HRH1: variants seen among roughly 807,000 people sequenced by gnomAD.
HRH1 encodes the protein histamine H1 receptor.
In HRH1, 6 loss-of-function variants were observed where a neutral mutation model predicts 10.3. That is an observed-to-expected ratio of 0.58 (90% CI 0.32 to 1.15). HRH1 has a LOEUF of 1.15. Ranked by LOEUF, HRH1 falls within the 50% of genes most tolerant of loss-of-function variation. HRH1 has a pLI of 0.05. For synonymous variants in HRH1, 242 were observed against 236.7 expected, an observed-to-expected ratio of 1.02 and a Z score of -0.21; for missense variants, 514 against 615.3, an observed-to-expected ratio of 0.84 and a Z score of 1.74.
At chr3:11,144,259 A>G (rs908030825) in intron 1 of HRH1, among the ~76,000 whole-genome samples, 1 of 151,752 alleles carries the variant, frequency 6.6e-6, no homozygotes, top group African/African-American at 2.4e-5. Flanking sequence ...GCGTATGTTT[A>G]TTGCAGCACT....
At chr3:11,232,320 T>G (rs1939064587) in intron 1 of HRH1, among the ~76,000 whole-genome samples, 1 of 152,072 alleles carries the variant, frequency 6.6e-6, no homozygotes, top group Non-Finnish European at 1.5e-5. Flanking sequence ...ATGGTTTAGG[T>G]TGTTCATTTT....
intron 1 of HRH1, among the ~76,000 whole-genome samples, chr3:11,248,068 T>C (rs1252743143): frequency 6.6e-6 from 1 of 152,208 alleles, no homozygotes; most frequent in Non-Finnish European, 1.5e-5. Context: ...CTTGTAAGGC[T>C]TTTGTTATTG....
chr3:11,207,633 G>C (rs1025347417), intron 1 of HRH1, among the ~76,000 whole-genome samples: 2 of 152,186 alleles, frequency 1.3e-5, no homozygotes, highest in African/African-American at 4.8e-5. Context: ...CTTGCTGTGT[G>C]ATCTTGGACA....
chr3:11,147,606 G>A (rs1443620466), intron 1 of HRH1, among the ~76,000 whole-genome samples: 1 of 151,932 alleles, frequency 6.6e-6, no homozygotes, highest in Non-Finnish European at 1.5e-5. Flanking sequence ...CATTCCAGTA[G>A]GTGTAGAAAA....
chr3:11,226,468 A>G (rs960589352), intron 1 of HRH1: 1 of 152,272 alleles, frequency 6.6e-6, no homozygotes, highest in Non-Finnish European at 1.5e-5. Flanking sequence ...AGCTGGCGCT[A>G]TGTAGCGACA....
At chr3:11,236,865 AAG>A (rs1939194572) in intron 1 of HRH1, among the ~76,000 whole-genome samples, 2 of 152,208 alleles carry the variant, frequency 1.3e-5, no homozygotes, top group African/African-American at 4.8e-5. Context: ...ACTTGACTGA[AAG>A]AGACAAAAGT....
At position 11,263,331 on chromosome 3, in the gene HRH1, TAACTC is replaced by T. The variant is rs1940005079; in HGVS notation, c.*2832_*2836del. 1 of 167,076 alleles carries T rather than the reference TAACTC, an allele frequency of 6.0e-6. No individual in the cohort carries two copies. The highest frequency in any genetic ancestry group is 2.4e-5 in the African/African-American group (1 of 41,454). 10.3% of individuals were successfully genotyped at this position (167,076 alleles called of 1,614,324 possible). On this transcript the variant is annotated 3_prime_UTR_variant, in exon 2 of 2. Coordinates refer to ENST00000431010, the MANE Select transcript of HRH1 (RefSeq NM_001098212.2). The stretch of plus-strand genomic sequence containing the variant: ...TTCCAGGAGGTGGATTTAATAGTCT[TAACTC>T]AGCATGAAAAAGATGCTGGGATGCT...
intron 1 of HRH1, among the ~76,000 whole-genome samples, chr3:11,182,272 G>A (rs1341834269): frequency 3.3e-5 from 5 of 152,206 alleles, no homozygotes; most frequent in South Asian, 4.2e-4. Context: ...GTGAGCCACC[G>A]CGCCCGGCCC....
At chr3:11,230,173 A>C (rs975404544) in intron 1 of HRH1, among the ~76,000 whole-genome samples, 2 of 152,220 alleles carry the variant, frequency 1.3e-5, no homozygotes, top group Non-Finnish European at 2.9e-5. Context: ...ACTGAAGTCC[A>C]CTGGGTAGGT....
At chr3:11,169,600 C>G (rs1331192856) in intron 1 of HRH1, among the ~76,000 whole-genome samples, 4 of 152,064 alleles carry the variant, frequency 2.6e-5, no homozygotes, top group African/African-American at 9.7e-5. Flanking sequence ...GGAGCACCCC[C>G]TATGAGGTTT....
chr3:11,158,572 A>G (rs1294806186), intron 1 of HRH1, among the ~76,000 whole-genome samples: 5 of 152,086 alleles, frequency 3.3e-5, no homozygotes, highest in Admixed American at 3.3e-4. Context: ...GTATCTCTCT[A>G]CTTATTTAGG....
At chr3:11,180,280 G>T (rs1253195680) in intron 1 of HRH1, among the ~76,000 whole-genome samples, 2 of 151,986 alleles carry the variant, frequency 1.3e-5, no homozygotes, top group Non-Finnish European at 2.9e-5. Context: ...AACCTTTTTG[G>T]CACCAGGGAC....
chr3:11,154,891 T>C lies in HRH1; in HGVS notation c.-36+337T>C, dbSNP rs1936748741. ...GAGCAGAGGGGGAGCCTCGTTTTCT[T>C]TGAGCCTCCCCAGGGTCTGAGTTCG... On this transcript the variant is annotated intron_variant, in intron 1 of 1. Coordinates refer to ENST00000431010, the MANE Select transcript of HRH1 (RefSeq NM_001098212.2). The surrounding 1 kb of genome is among the most constrained non-coding windows in gnomAD (Gnocchi z 4.4). Among the ~76,000 whole-genome samples, 1 of 152,210 alleles carries C rather than the reference T, an allele frequency of 6.6e-6. No homozygotes were observed. The highest frequency in any genetic ancestry group is 2.4e-5 in the African/African-American group (1 of 41,468).
rs1010505152 is a variant in HRH1 at position 11,261,312 on chromosome 3, A to T, written c.*811A>T. 4 of 167,090 alleles carry T rather than the reference A, an allele frequency of 2.4e-5. No individual in the cohort carries two copies. The highest frequency in any genetic ancestry group is 9.6e-5 in the African/African-American group (4 of 41,456). The allele number at this position is 167,090 out of a possible 1,614,324, so 10.4% of individuals were successfully genotyped here. ...TTGCACGTTAAAAATTAAAAGAAGG[A>T]ATGGGGGCAGAATGCCATATTTTTG... On this transcript the variant is annotated 3_prime_UTR_variant, in exon 2 of 2. Transcript: ENST00000431010.
chr3:11,249,832 T>G (rs1013473579), intron 1 of HRH1, among the ~76,000 whole-genome samples: 6 of 152,060 alleles, frequency 3.9e-5, no homozygotes, highest in Non-Finnish European at 7.4e-5. Flanking sequence ...TTAACAGATT[T>G]CCAGTCTGAG....
chr3:11,225,608 C>T (rs1426387977), intron 1 of HRH1, among the ~76,000 whole-genome samples: 1 of 152,208 alleles, frequency 6.6e-6, no homozygotes, highest in East Asian at 1.9e-4. Flanking sequence ...GACTCAGACC[C>T]ACATGTGACA....
At chr3:11,245,935 A>G (rs1353670661) in intron 1 of HRH1, among the ~76,000 whole-genome samples, 2 of 151,898 alleles carry the variant, frequency 1.3e-5, no homozygotes, top group Non-Finnish European at 2.9e-5. Context: ...TCACACATAC[A>G]CACTCACACT....
intron 1 of HRH1, among the ~76,000 whole-genome samples, chr3:11,188,177 A>G (rs1937480381): frequency 6.6e-6 from 1 of 152,240 alleles, no homozygotes; most frequent in Non-Finnish European, 1.5e-5. Flanking sequence ...TTAATTGACA[A>G]TATCTAGCAT....
At chr3:11,162,958 A>G (rs1486340226) in intron 1 of HRH1, among the ~76,000 whole-genome samples, 1 of 152,194 alleles carries the variant, frequency 6.6e-6, no homozygotes, top group Non-Finnish European at 1.5e-5. Context: ...TGCACATCTT[A>G]GTGGAGCTGA....
Sources: gnomAD v4.1 joint callset for allele counts (sites outside exome capture counted in the v4.1 genomes callset) on GRCh38, gnomAD v4.1.1 for gene constraint, Gnocchi (gnomAD v3.1) non-coding constraint, MANE v1.5 for transcripts, NCBI Gene and HGNC (gene_info 2026-07-23, HGNC 2026-07-21) for gene names.